Variants in DGKB observed in about 807,000 individuals in gnomAD.
The protein encoded by DGKB is diacylglycerol kinase beta.
DGKB carries 67 observed loss-of-function variants against 114.3 expected under a neutral mutation model. The observed-to-expected ratio is 0.59, with a 90% CI of 0.48 to 0.72. The LOEUF is 0.72. DGKB is among the 30% of genes least tolerant of loss of function. The pLI, the probability that DGKB is intolerant of heterozygous loss-of-function variation, is 0.00. For missense variants in DGKB, 907 were observed against 975.2 expected (o/e 0.93, Z 0.93); for synonymous variants, 398 against 323.1 (o/e 1.23, Z -2.49).
intron 6 of DGKB, among the ~76,000 whole-genome samples, chr7:14,717,883 T>C (rs1424508417): frequency 6.6e-6 from 1 of 152,120 alleles, no homozygotes; most frequent in Non-Finnish European, 1.5e-5. Context: ...TTTTCTTATA[T>C]TGCAATGAGT....
intron 12 of DGKB, among the ~76,000 whole-genome samples, chr7:14,675,046 A>C (rs1003305611): frequency 2.0e-5 from 3 of 152,178 alleles, no homozygotes; most frequent in African/African-American, 7.2e-5. Context: ...GATGTCACAG[A>C]GAAAGAGCTT....
intron 20 of DGKB, among the ~76,000 whole-genome samples, chr7:14,518,246 G>C (rs1157347905): frequency 6.6e-6 from 1 of 152,038 alleles, no homozygotes; most frequent in Non-Finnish European, 1.5e-5. Context: ...TCACTTATAA[G>C]TGGGACTAAA....
chr7:14,792,344 C>T (rs1840781932), intron 2 of DGKB, among the ~76,000 whole-genome samples: 1 of 152,022 alleles, frequency 6.6e-6, no homozygotes, highest in Non-Finnish European at 1.5e-5. Context: ...TTTATTATCA[C>T]CAGCACTCTT....
chr7:14,915,501 A>G (rs948414657), intron 1 of DGKB, among the ~76,000 whole-genome samples: 1 of 152,214 alleles, frequency 6.6e-6, no homozygotes, highest in Non-Finnish European at 1.5e-5. Context: ...TAAGCAGGAT[A>G]TATTTCCAGG....
chr7:14,520,267 T>C (rs891435353), intron 20 of DGKB, among the ~76,000 whole-genome samples: 4 of 150,984 alleles, frequency 2.6e-5, no homozygotes, highest in Non-Finnish European at 4.4e-5. Context: ...TTTTCTTATC[T>C]TATAAAAAAA....
intron 21 of DGKB, among the ~76,000 whole-genome samples, chr7:14,372,850 C>A (rs565040335): frequency 6.6e-6 from 1 of 152,196 alleles, no homozygotes; most frequent in East Asian, 1.9e-4. Context: ...ATCTGTTTTA[C>A]TTCTTTAGTC....
chr7:14,850,915 T>C (rs1252267632), intron 1 of DGKB, among the ~76,000 whole-genome samples: 1 of 152,210 alleles, frequency 6.6e-6, no homozygotes, highest in Non-Finnish European at 1.5e-5. Flanking sequence ...CTTCACTGTG[T>C]AGTGAATCAT....
intron 1 of DGKB, among the ~76,000 whole-genome samples, chr7:14,944,174 T>G (rs1270939048): frequency 6.6e-6 from 1 of 151,968 alleles, no homozygotes; most frequent in Non-Finnish European, 1.5e-5. Context: ...TACCTGCTAG[T>G]GGCAAAAATG....
At chr7:14,793,097 C>A (rs1213563258) in intron 2 of DGKB, among the ~76,000 whole-genome samples, 1 of 152,018 alleles carries the variant, frequency 6.6e-6, no homozygotes, top group African/African-American at 2.4e-5. Context: ...ATGTAATACA[C>A]ATTTTAGAGG....
intron 16 of DGKB, among the ~76,000 whole-genome samples, chr7:14,609,591 G>T (rs982936371): frequency 6.6e-6 from 1 of 151,938 alleles, no homozygotes; most frequent in South Asian, 2.1e-4. Context: ...GTGACAATCT[G>T]CAGAATGGGA....
intron 20 of DGKB, among the ~76,000 whole-genome samples, chr7:14,568,611 T>G (rs898627633): frequency 6.6e-6 from 1 of 152,208 alleles, no homozygotes; most frequent in Admixed American, 6.5e-5. Flanking sequence ...TCCCCAATTT[T>G]TAACCTATCC....
At chr7:14,465,626 C>T (rs1389098348) in intron 21 of DGKB, among the ~76,000 whole-genome samples, 1 of 152,064 alleles carries the variant, frequency 6.6e-6, no homozygotes. Flanking sequence ...AGTATCAATC[C>T]TCATTACACT....
intron 15 of DGKB, among the ~76,000 whole-genome samples, chr7:14,614,009 T>A (rs968133670): frequency 6.6e-6 from 1 of 152,198 alleles, no homozygotes; most frequent in African/African-American, 2.4e-5. Context: ...CAAGTATATT[T>A]GCTAAGTAGA....
intron 23 of DGKB, among the ~76,000 whole-genome samples, chr7:14,325,361 G>A (rs1039826351): frequency 3.9e-5 from 6 of 152,116 alleles, no homozygotes; most frequent in African/African-American, 1.2e-4. Flanking sequence ...GAAAGTGAGC[G>A]ATGGTAGATG....
intron 21 of DGKB, among the ~76,000 whole-genome samples, chr7:14,397,419 T>C (rs1224991525): frequency 6.6e-6 from 1 of 152,128 alleles, no homozygotes; most frequent in South Asian, 2.1e-4. Context: ...TTGTTAGAAA[T>C]ATTCTGTAAG....
At chr7:14,181,832 C>T (rs1782676795) in intron 23 of DGKB, among the ~76,000 whole-genome samples, 1 of 152,110 alleles carries the variant, frequency 6.6e-6, no homozygotes, top group South Asian at 2.1e-4. Context: ...ATTTATATGT[C>T]TTTTTAAATA....
intron 21 of DGKB, among the ~76,000 whole-genome samples, chr7:14,372,439 G>A (rs1037250488): frequency 2.0e-5 from 3 of 152,030 alleles, no homozygotes; most frequent in Non-Finnish European, 4.4e-5. Flanking sequence ...ATTTATGGTG[G>A]GTTTATGGTG....
chr7:14,568,401 C>T (rs1277477985), intron 20 of DGKB, among the ~76,000 whole-genome samples: 1 of 152,118 alleles, frequency 6.6e-6, no homozygotes, highest in East Asian at 1.9e-4. Flanking sequence ...TTTATTTCCT[C>T]AGCTTTCTTA....
intron 21 of DGKB, among the ~76,000 whole-genome samples, chr7:14,384,996 TA>T (rs1820091221): frequency 6.6e-6 from 1 of 152,082 alleles, no homozygotes; most frequent in African/African-American, 2.4e-5. Context: ...TTACTTTCCT[TA>T]AAGGTAAAAA....
Sources: gnomAD v4.1 joint callset for allele counts (sites outside exome capture counted in the v4.1 genomes callset) on GRCh38, gnomAD v4.1.1 for gene constraint, MANE v1.5 for transcripts, NCBI Gene and HGNC (gene_info 2026-07-23, HGNC 2026-07-21) for gene names.